Variants in CCDC73 observed in about 807,000 individuals in gnomAD.
CCDC73 encodes the protein coiled-coil domain containing 73.
Under a neutral mutation model 116.5 loss-of-function variants are expected in CCDC73, and 95 were observed. That is an observed-to-expected ratio of 0.82 (90% CI 0.69 to 0.97). The LOEUF (loss-of-function observed/expected upper bound fraction) is 0.97. CCDC73 is among the 50% of genes least tolerant of loss of function. CCDC73 has a pLI of 0.00. For missense variants in CCDC73, 1,066 were observed against 1,206.8 expected (o/e 0.88, Z 1.73); for synonymous variants, 398 against 401.3 (o/e 0.99, Z 0.10).
chr11:32,607,387 C>T (rs530670206), intron 17 of CCDC73, among the ~76,000 whole-genome samples: 48 of 152,182 alleles, frequency 3.2e-4, no homozygotes, highest in African/African-American at 1.2e-3. Context: ...CCACCGCGCC[C>T]GGCCCAAAAA....
intron 13 of CCDC73, among the ~76,000 whole-genome samples, chr11:32,637,597 C>G (rs1855693657): frequency 6.6e-6 from 1 of 151,664 alleles, no homozygotes; most frequent in African/African-American, 2.4e-5. Context: ...CTCCTGCCCC[C>G]AAACACACAC....
intron 6 of CCDC73, among the ~76,000 whole-genome samples, chr11:32,688,288 A>T (rs1414488092): frequency 5.3e-5 from 8 of 152,174 alleles, no homozygotes; most frequent in Non-Finnish European, 1.0e-4. Context: ...CCTTCCAGAG[A>T]TACATAAACT....
intron 1 of CCDC73, among the ~76,000 whole-genome samples, chr11:32,776,995 A>ATATATATATATATATATACACATG (rs1850541740): frequency 4.4e-5 from 2 of 45,350 alleles, no homozygotes; most frequent in African/African-American, 1.7e-4. Context: ...ACATGTATAT[A>ATATATATATATATATATACACATG]TATATATATA....
At chr11:32,751,923 G>A (rs182836180) in intron 2 of CCDC73, among the ~76,000 whole-genome samples, 68 of 152,236 alleles carry the variant, frequency 4.5e-4, no homozygotes, top group Admixed American at 3.7e-3. Flanking sequence ...ACAATGATCC[G>A]GCTTAGCAAG....
intron 2 of CCDC73, among the ~76,000 whole-genome samples, chr11:32,735,474 T>A (rs946665468): frequency 6.6e-6 from 1 of 152,204 alleles, no homozygotes; most frequent in African/African-American, 2.4e-5. Context: ...GTGAAGGAAC[T>A]CTTCAAGAAG....
chr11:32,631,914 G>A (rs1666869929), intron 14 of CCDC73, among the ~76,000 whole-genome samples: 1 of 151,848 alleles, frequency 6.6e-6, no homozygotes, highest in Non-Finnish European at 1.5e-5. Context: ...ATGGGATTTT[G>A]CTATGTTGTC....
At chr11:32,689,243 C>G (rs2133301644) in intron 6 of CCDC73, among the ~76,000 whole-genome samples, 1 of 152,010 alleles carries the variant, frequency 6.6e-6, no homozygotes, top group South Asian at 2.1e-4. Flanking sequence ...TATGTACATC[C>G]TAGATGATAA....
intron 1 of CCDC73, among the ~76,000 whole-genome samples, chr11:32,792,618 T>G (rs1850686273): frequency 3.3e-5 from 5 of 152,204 alleles, no homozygotes; most frequent in Admixed American, 3.3e-4. Context: ...CCAACTGTCT[T>G]GAGGTACACT....
chr11:32,803,143 G>C, the CCDC73 span, among the ~76,000 whole-genome samples: 1 of 151,956 alleles, frequency 6.6e-6, no homozygotes, highest in Admixed American at 6.6e-5. Flanking sequence ...ATCCAGGCTG[G>C]AGTGCAGTGG....
the CCDC73 span, among the ~76,000 whole-genome samples, chr11:32,828,386 T>G: frequency 6.6e-6 from 1 of 151,802 alleles, no homozygotes; most frequent in African/African-American, 2.4e-5. Flanking sequence ...GGTGGATGCC[T>G]GTAATCCCAG....
At chr11:32,780,146 T>C (rs1850570235) in intron 1 of CCDC73, among the ~76,000 whole-genome samples, 1 of 151,938 alleles carries the variant, frequency 6.6e-6, no homozygotes, top group Non-Finnish European at 1.5e-5. Context: ...TGATGGCACA[T>C]GCCTGTAATC....
rs267602855 is a variant in CCDC73, at chr11:32,614,062, C to G, written c.2256G>C (p.Met752Ile). ...SPGGKTMCKNMSDMQNSQFNN... is the reference protein window; with the variant it reads ...SPGGKTMCKNISDMQNSQFNN... ...TAAATTGACTGTTTTGCATATCACT[C>G]ATATTTTTACACATAGTTTTTCCCC... The change falls in exon 16 of 18, where the codon ATG (methionine) becomes ATC (isoleucine). Residue 752 changes from methionine (M) to isoleucine (I), a missense_variant. Transcript: ENST00000335185. The G allele has an allele frequency of 6.2e-7, 1 of 1,613,018 alleles. No individual in the cohort carries two copies. Among genetic ancestry groups the G allele is most frequent in the Non-Finnish European group, 8.5e-7 (1 of 1,179,882 alleles).
At chr11:32,768,337 G>T (rs1289805403) in intron 1 of CCDC73, among the ~76,000 whole-genome samples, 1 of 152,174 alleles carries the variant, frequency 6.6e-6, no homozygotes, top group Non-Finnish European at 1.5e-5. Flanking sequence ...TTGGGGGAGT[G>T]GGCAGGGATA....
chr11:32,785,332 C>CA (rs1297575724), intron 1 of CCDC73, among the ~76,000 whole-genome samples: 1 of 152,070 alleles, frequency 6.6e-6, no homozygotes, highest in Admixed American at 6.6e-5. Flanking sequence ...GGCTCACTGT[C>CA]AAAAAAAGTT....
intron 6 of CCDC73, among the ~76,000 whole-genome samples, chr11:32,687,826 T>C (rs1014817375): frequency 6.6e-6 from 1 of 152,116 alleles, no homozygotes; most frequent in African/African-American, 2.4e-5. Flanking sequence ...AATGGTTTTT[T>C]CCAGGGCAAG....
intron 1 of CCDC73, among the ~76,000 whole-genome samples, chr11:32,770,494 G>T (rs1400428356): frequency 6.6e-6 from 1 of 152,076 alleles, no homozygotes; most frequent in Non-Finnish European, 1.5e-5. Context: ...ATAATTACCA[G>T]GTAAGAGAGG....
chr11:32,616,799 A>T (rs1855478701), intron 14 of CCDC73, among the ~76,000 whole-genome samples: 3 of 152,230 alleles, frequency 2.0e-5, no homozygotes, highest in Admixed American at 2.0e-4. Context: ...AAAAACTTAC[A>T]GTCTGGTATG....
chr11:32,699,010 T>A (rs1590601071), intron 6 of CCDC73, among the ~76,000 whole-genome samples: 1 of 152,076 alleles, frequency 6.6e-6, no homozygotes, highest in Middle Eastern at 3.4e-3. Context: ...TAAAAATGTA[T>A]CTATTTAACT....
At chr11:32,688,955 A>C (rs1370694614) in intron 6 of CCDC73, among the ~76,000 whole-genome samples, 1 of 152,202 alleles carries the variant, frequency 6.6e-6, no homozygotes. Context: ...AGAAACCCCT[A>C]CATACAGATA....
Sources: gnomAD v4.1 joint callset for allele counts (sites outside exome capture counted in the v4.1 genomes callset) on GRCh38, gnomAD v4.1.1 for gene constraint, MANE v1.5 for transcripts, NCBI Gene and HGNC (gene_info 2026-07-23, HGNC 2026-07-21) for gene names.